ARHGAP19: variants seen among roughly 807,000 people sequenced by gnomAD.
The protein encoded by ARHGAP19 is rho GTPase-activating protein 19.
Under a neutral mutation model 60.9 loss-of-function variants are expected in ARHGAP19, and 48 were observed. The ratio of observed to expected loss-of-function variants is 0.79; its 90% CI spans 0.62 to 1.00. ARHGAP19 has a LOEUF of 1.00. ARHGAP19 is among the 50% of genes least tolerant of loss of function. The pLI, the probability that ARHGAP19 is intolerant of heterozygous loss-of-function variation, is 0.00. For missense variants in ARHGAP19, 562 were observed against 597.2 expected (o/e 0.94, Z 0.61); for synonymous variants, 209 against 215.5 (o/e 0.97, Z 0.27).
chr10:97,271,228 G>T (rs1441799288), intron 1 of ARHGAP19, among the ~76,000 whole-genome samples: 1 of 152,016 alleles, frequency 6.6e-6, no homozygotes, highest in Non-Finnish European at 1.5e-5. Context: ...AAGAGAAATG[G>T]ATAAAAGGGG....
chr10:97,225,895 A>T lies in ARHGAP19; in HGVS notation c.*227T>A. The T allele has an allele frequency of 3.6e-6, 2 of 550,290 alleles. No homozygotes were observed. Among genetic ancestry groups the T allele is most frequent in the Non-Finnish European group, 6.4e-6 (2 of 311,216 alleles). 34.1% of individuals were successfully genotyped at this position (550,290 alleles called of 1,614,324 possible). On this transcript the variant is annotated 3_prime_UTR_variant, in exon 12 of 12. Transcript: ENST00000358531. Reference sequence around the variant, plus strand: ...GGATAGTTAGTGGTTTCCCCATAATATTAAAAAAGAGAGACAGGGCCTAAG... The same window carrying T: ...GGATAGTTAGTGGTTTCCCCATAATTTTAAAAAAGAGAGACAGGGCCTAAG...
At chr10:97,249,210 C>G (rs1340073114) in intron 6 of ARHGAP19, among the ~76,000 whole-genome samples, 1 of 151,836 alleles carries the variant, frequency 6.6e-6, no homozygotes, top group Non-Finnish European at 1.5e-5. Context: ...TTTTTAATAC[C>G]CAATAGATTC....
rs190407449 is a variant in ARHGAP19, at chr10:97,281,682, C to T, written c.56+10890G>A. Among the ~76,000 whole-genome samples, 15 of 152,150 alleles carry T rather than the reference C, an allele frequency of 9.9e-5. No individual in the cohort carries two copies. The East Asian group carries it at 2.7e-3, about 27-fold the overall frequency. ...AACTGAAAATTCACTAAGTGCTACG[C>T]GATTTCAAATAGTAGCTAAAGACCA... On this transcript the variant is annotated intron_variant, in intron 1 of 11. Coordinates refer to ENST00000358531, the MANE Select transcript of ARHGAP19 (RefSeq NM_032900.6).
At chr10:97,227,047 G>A (rs1850910669) in intron 11 of ARHGAP19, among the ~76,000 whole-genome samples, 1 of 152,300 alleles carries the variant, frequency 6.6e-6, no homozygotes, top group African/African-American at 2.4e-5. Context: ...CAGGAAGGCT[G>A]CTCATCATAC....
intron 7 of ARHGAP19, among the ~76,000 whole-genome samples, chr10:97,245,272 G>A (rs149980162): frequency 0.026 from 3,965 of 152,118 alleles, 157 homozygotes; most frequent in African/African-American, 0.091. Context: ...CTCTGAAAGT[G>A]CTAGGATTAC....
chr10:97,284,438 A>T (rs895611495), intron 1 of ARHGAP19, among the ~76,000 whole-genome samples: 1 of 152,006 alleles, frequency 6.6e-6, no homozygotes, highest in Admixed American at 6.6e-5. Context: ...TTTTTTCTAC[A>T]TATTTTTCTA....
rs35980234 is a variant in ARHGAP19 at position 97,272,131 on chromosome 10, CTTTTTTTTTT to C, written c.57-6016_57-6007del. 1.8e-4 allele frequency among the ~76,000 whole-genome samples: 15 copies of C among 85,648 alleles called. 1 individual carries two copies. The Admixed American group carries it at 1.9e-3, about 11-fold the overall frequency. 56.2% of individuals were successfully genotyped at this position (85,648 alleles called of 152,430 possible). A position where few individuals can be genotyped will look rare whatever the true frequency, so the allele number is the denominator to read the frequency against. On this transcript the variant is annotated intron_variant, in intron 1 of 11. Coordinates refer to ENST00000358531, the MANE Select transcript of ARHGAP19 (RefSeq NM_032900.6). ...TTATACACTTAGGTGGGAAATATGT[CTTTTTTTTTT>C]TTTTTTTTTTTTCAGACAGAGTCTC... is the stretch of plus-strand genomic sequence containing the variant.
chr10:97,253,379 CAAA>C (rs551066347), intron 6 of ARHGAP19, among the ~76,000 whole-genome samples: 4 of 82,392 alleles, frequency 4.9e-5, no homozygotes. Flanking sequence ...AACTCTATCT[CAAA>C]AAAAAAAAAA....
chr10:97,231,059 CAAAAAAAAAAAAAAAAAAAA>C lies in ARHGAP19; in HGVS notation c.1285-1205_1285-1186del, dbSNP rs869291841. Among the ~76,000 whole-genome samples the C allele has an allele frequency of 2.3e-4, 14 of 59,764 alleles. 1 individual carries two copies. The highest frequency in any genetic ancestry group is 8.4e-4 in the African/African-American group (12 of 14,290). The allele number at this position is 59,764 out of a possible 152,430, so 39.2% of individuals were successfully genotyped here. A position where few individuals can be genotyped will look rare whatever the true frequency, so the allele number is the denominator to read the frequency against. ...ACACCTAGTGAGACTCTTGTCTCAC[CAAAAAAAAAAAAAAAAAAAA>C]AAAAAAAAAAGACTAACACATAGAG... On this transcript the variant is annotated intron_variant, in intron 9 of 11. Coordinates refer to ENST00000358531, the MANE Select transcript of ARHGAP19 (RefSeq NM_032900.6).
In ARHGAP19 at chr10:97,256,375, G is replaced by C; in HGVS notation, c.870C>G (p.Ile290Met). Reference protein sequence around the residue: ...NVTANDLQENITKLNSGMAFM... With the variant: ...NVTANDLQENMTKLNSGMAFM... ...AAGCCATCCCACTGTTTAACTTTGTGATATTCTCCTGAAGGTCATTTGCAG... is the reference window on the plus strand; with the variant it reads ...AAGCCATCCCACTGTTTAACTTTGTCATATTCTCCTGAAGGTCATTTGCAG... Residue 290 changes from isoleucine to methionine, a missense_variant, in exon 6 of 12, where the codon ATC (isoleucine) becomes ATG (methionine). Physicochemically the swap from Ile to Met is conservative, Grantham distance 10 (BLOSUM62 1). Coordinates refer to ENST00000358531, the MANE Select transcript of ARHGAP19 (RefSeq NM_032900.6). 1.2e-6 allele frequency: 2 copies of C among 1,614,034 alleles called. No individual in the cohort carries two copies. Among genetic ancestry groups the C allele is most frequent in the South Asian group, 2.2e-5 (2 of 91,074 alleles).
At position 97,225,763 on chromosome 10, in the gene ARHGAP19, T is replaced by C. The variant is rs1850883560; in HGVS notation, c.*359A>G. 4.7e-6 allele frequency: 1 copy of C among 212,226 alleles called. No individual in the cohort carries two copies. The allele number at this position is 212,226 out of a possible 1,614,324, so 13.1% of individuals were successfully genotyped here. ...CACTGGGACAGTGCTTTTTAAAAAA[T>C]TACTGGCAGTTGAGCACACATTTCA... On this transcript the variant is annotated 3_prime_UTR_variant, in exon 12 of 12. Coordinates refer to ENST00000358531, the MANE Select transcript of ARHGAP19 (RefSeq NM_032900.6).
chr10:97,253,107 G>C (rs1842709215), intron 6 of ARHGAP19, among the ~76,000 whole-genome samples: 1 of 152,150 alleles, frequency 6.6e-6, no homozygotes. Context: ...GTGGATCTCA[G>C]GTTGGCTGCG....
intron 1 of ARHGAP19, 77 bp downstream of exon 1, chr10:97,292,495 C>G (rs1165661326): frequency 1.3e-6 from 2 of 1,553,706 alleles, no homozygotes; most frequent in Admixed American, 1.7e-5. Flanking sequence ...CGTGCGCCTC[C>G]GTGACCCAAG....
chr10:97,264,516 G>A (rs894712110), intron 3 of ARHGAP19, among the ~76,000 whole-genome samples: 2 of 151,834 alleles, frequency 1.3e-5, no homozygotes, highest in Admixed American at 6.6e-5. Context: ...AAGGTACCAT[G>A]CTCTCTTAAA....
intron 8 of ARHGAP19, among the ~76,000 whole-genome samples, chr10:97,242,256 C>T (rs1297672845): frequency 6.8e-6 from 1 of 146,260 alleles, no homozygotes; most frequent in Non-Finnish European, 1.5e-5. Flanking sequence ...TTATCCTTCT[C>T]TATAATTTTC....
chr10:97,231,023 C>T (rs1199224362), intron 9 of ARHGAP19, among the ~76,000 whole-genome samples: 3 of 27,660 alleles, frequency 1.1e-4, no homozygotes, highest in Non-Finnish European at 5.1e-4. Context: ...TGCCACTGCA[C>T]TCCAGCCTGC....
At chr10:97,289,371 C>A (rs1843199830) in intron 1 of ARHGAP19, among the ~76,000 whole-genome samples, 1 of 152,238 alleles carries the variant, frequency 6.6e-6, no homozygotes, top group East Asian at 1.9e-4. Context: ...CCGCCTCAGC[C>A]TCAAAGTGCT....
chr10:97,286,781 T>C (rs1843161782), intron 1 of ARHGAP19, among the ~76,000 whole-genome samples: 1 of 152,250 alleles, frequency 6.6e-6, no homozygotes, highest in African/African-American at 2.4e-5. Context: ...ACTTTCTTTT[T>C]AAGTCTCTTT....
chr10:97,281,219 CAAAAAAAAAAAA>C (rs56674405), intron 1 of ARHGAP19, among the ~76,000 whole-genome samples: 3 of 131,718 alleles, frequency 2.3e-5, no homozygotes, highest in African/African-American at 8.8e-5. Flanking sequence ...TCTGTCACTA[CAAAAAAAAAAAA>C]AAAAAAAAAT....
Sources: gnomAD v4.1 joint callset for allele counts (sites outside exome capture counted in the v4.1 genomes callset) on GRCh38, gnomAD v4.1.1 for gene constraint, MANE v1.5 for transcripts, NCBI Gene and HGNC (gene_info 2026-07-23, HGNC 2026-07-21) for gene names.